CSPG4: variants seen among roughly 807,000 people sequenced by gnomAD.
The protein encoded by CSPG4 is chondroitin sulfate proteoglycan 4, also known as chondroitin sulfate proteoglycan 4 (melanoma-associated).
CSPG4 carries 74 observed loss-of-function variants against 139.3 expected under a neutral mutation model. The ratio of observed to expected loss-of-function variants is 0.53; its 90% CI spans 0.44 to 0.64. The LOEUF is 0.64. Ranked by LOEUF, CSPG4 falls within the 30% of genes least tolerant of loss-of-function variation. The pLI is 0.00. For missense variants in CSPG4, 2,565 were observed against 3,148.3 expected (o/e 0.81, Z 4.43); for synonymous variants, 1,234 against 1,394.2 (o/e 0.89, Z 2.56).
chr15:75,691,002 C>T (rs1201272171), intron 2 of CSPG4, among the ~76,000 whole-genome samples, 190 bp from the exon 3 acceptor site: 1 of 152,178 alleles, frequency 6.6e-6, no homozygotes, highest in Non-Finnish European at 1.5e-5. Flanking sequence ...TGGAGAAACC[C>T]TGTCTCTACT....
intron 3 of CSPG4, among the ~76,000 whole-genome samples, chr15:75,686,145 G>T (rs944475421): frequency 6.6e-6 from 1 of 152,290 alleles, no homozygotes; most frequent in East Asian, 1.9e-4. Context: ...CGGTTGCAGG[G>T]GGTCGGTCAC....
rs762018211 is a variant in CSPG4 at position 75,689,692 on chromosome 15, A to G, written c.1373T>C (p.Leu458Pro). ...EWRHVQPTLD[L>P]MEAELRKSQV... ...GGATTTGCGCAGCTCAGCCTCCATCAGGTCCAGCGTGGGCTGCACATGCCT... is the reference window on the plus strand; with the variant it reads ...GGATTTGCGCAGCTCAGCCTCCATCGGGTCCAGCGTGGGCTGCACATGCCT... Residue 458 changes from leucine to proline, a missense_variant, in exon 3 of 10, where the codon CTG becomes CCG. By Grantham distance (98) the Leu-to-Pro change is moderately conservative (BLOSUM62 -3). Coordinates refer to ENST00000308508, the MANE Select transcript of CSPG4 (RefSeq NM_001897.5). 6.2e-7 allele frequency: 1 copy of G among 1,612,904 alleles called. No individual in the cohort carries two copies. The highest frequency in any genetic ancestry group is 1.3e-5 in the African/African-American group (1 of 75,074).
intron 1 of CSPG4, among the ~76,000 whole-genome samples, chr15:75,697,076 C>T (rs944330479): frequency 3.9e-5 from 6 of 152,060 alleles, no homozygotes; most frequent in African/African-American, 4.8e-5. Flanking sequence ...CAGGGCCCCA[C>T]CTTCCCCAGC....
At chr15:75,707,241 G>A (rs1894386173) in intron 1 of CSPG4, among the ~76,000 whole-genome samples, 1 of 152,160 alleles carries the variant, frequency 6.6e-6, no homozygotes, top group African/African-American at 2.4e-5. Flanking sequence ...ACAGGCGTGA[G>A]CCACCGCGCC....
intron 2 of CSPG4, 94 bp downstream of exon 2, chr15:75,692,976 T>TA (rs1361200874): frequency 2.0e-5 from 13 of 634,628 alleles, no homozygotes; most frequent in Non-Finnish European, 3.6e-5. Flanking sequence ...AAAAGTGACT[T>TA]ACACAAGGTC....
chr15:75,686,385 C>T (rs1309139249), intron 3 of CSPG4, among the ~76,000 whole-genome samples: 1 of 152,206 alleles, frequency 6.6e-6, no homozygotes. Flanking sequence ...TCAGAGGGCG[C>T]CCCGCCCCAC....
Position 75,675,648 on chromosome 15 carries a change from C to T in CSPG4, c.6871G>A (p.Gly2291Ser), listed in dbSNP as rs762651688. The T allele has an allele frequency of 6.6e-7, 1 of 1,522,968 alleles. No individual in the cohort carries two copies. The highest frequency in any genetic ancestry group is 8.8e-7 in the Non-Finnish European group (1 of 1,135,788). 94.3% of individuals were successfully genotyped at this position (1,522,968 alleles called of 1,614,324 possible). ...GQAIPLTAVP[G>S]QGPPPGGQPD... Reference sequence around the variant, plus strand: ...TGGCCTCCTGGAGGGGGCCCCTGGCCAGGCACAGCTGTGAGCGGGATGGCC... The same window carrying T: ...TGGCCTCCTGGAGGGGGCCCCTGGCTAGGCACAGCTGTGAGCGGGATGGCC... The change falls in exon 10 of 10, where the codon GGC becomes AGC. Residue 2291 changes from glycine to serine, a missense_variant. Around this residue, in one of 5 missense-constraint regions of CSPG4, gnomAD observed 2,316 missense variants for 2,818.2 expected, o/e 0.82. Coordinates refer to ENST00000308508, the MANE Select transcript of CSPG4 (RefSeq NM_001897.5).
Position 75,676,367 on chromosome 15 carries a change from G to A in CSPG4, c.6152C>T (p.Ala2051Val). The A allele has an allele frequency of 6.2e-7, 1 of 1,613,380 alleles. No homozygotes were observed. Among genetic ancestry groups the A allele is most frequent in the Non-Finnish European group, 8.5e-7 (1 of 1,180,014 alleles). The change falls in exon 10 of 10, where the codon GCA becomes GTA. Residue 2051 changes from alanine to valine, a missense_variant. Ala to Val is a moderately conservative substitution (Grantham distance 64). Coordinates refer to ENST00000308508, the MANE Select transcript of CSPG4 (RefSeq NM_001897.5). Reference protein sequence around the residue: ...VTVRALLHVWAGGPWPQGATL... With the variant: ...VTVRALLHVWVGGPWPQGATL... ...GGCACCCTGGGGCCATGGCCCACCT[G>A]CCCACACATGCAGCAGAGCCCTCAC...
chr15:75,707,179 A>G (rs749579903), intron 1 of CSPG4, among the ~76,000 whole-genome samples: 2 of 151,870 alleles, frequency 1.3e-5, no homozygotes, highest in Non-Finnish European at 2.9e-5. Flanking sequence ...CTGGTCTCGA[A>G]CTCCTGAGCT....
At chr15:75,694,064 A>C (rs1220854147) in intron 1 of CSPG4, among the ~76,000 whole-genome samples, 1 of 152,230 alleles carries the variant, frequency 6.6e-6, no homozygotes, top group East Asian at 1.9e-4. Flanking sequence ...CACCGTGGCC[A>C]AGGAACCAGG....
chr15:75,693,348 G>A, intron 1 of CSPG4, 115 bp from the exon 2 acceptor site: 1 of 1,056,674 alleles, frequency 9.5e-7, no homozygotes, highest in South Asian at 1.6e-5. Context: ...GCACCCTCAT[G>A]GTTCTGCTGT....
intron 1 of CSPG4, among the ~76,000 whole-genome samples, chr15:75,695,075 T>G (rs752841422): frequency 5.9e-5 from 9 of 152,098 alleles, no homozygotes; most frequent in Non-Finnish European, 1.3e-4. Flanking sequence ...AGTGAGAACA[T>G]TTATACCAGG....
At position 75,684,330 on chromosome 15, in the gene CSPG4, C is replaced by T. The variant is rs1440048492; in HGVS notation, c.4449+406G>A. ...ACTGTCCTGCTGGGCGTGGAACAGC[C>T]TTGTGCAGGAGTTTGGGGAGCCAAG... On this transcript the variant is annotated intron_variant, in intron 5 of 9. Transcript: ENST00000308508. Among the ~76,000 whole-genome samples, 3 of 152,256 alleles carry T rather than the reference C, an allele frequency of 2.0e-5. No individual in the cohort carries two copies. In the South Asian group the frequency reaches 6.2e-4, roughly 31 times the overall value.
At chr15:75,709,552 CAG>C (rs1212718090) in intron 1 of CSPG4, among the ~76,000 whole-genome samples, 1 of 152,218 alleles carries the variant, frequency 6.6e-6, no homozygotes, top group East Asian at 1.9e-4. Context: ...GACTTGGAGA[CAG>C]AGGCAGTAGC....
Position 75,674,755 on chromosome 15 carries a change from C to T in CSPG4, c.*795G>A. Reference sequence around the variant, plus strand: ...AGACCCTCGATGAGCCCCAGCCTAACCTGCTCCAAAGCCACTGACACATGC... The same window carrying T: ...AGACCCTCGATGAGCCCCAGCCTAATCTGCTCCAAAGCCACTGACACATGC... On this transcript the variant is annotated 3_prime_UTR_variant, in exon 10 of 10. Transcript: ENST00000308508. The T allele has an allele frequency of 2.5e-6, 1 of 398,696 alleles. No individual in the cohort carries two copies. The highest frequency in any genetic ancestry group is 3.6e-5 in the East Asian group (1 of 28,080). 24.7% of individuals were successfully genotyped at this position (398,696 alleles called of 1,614,324 possible). A position where few individuals can be genotyped will look rare whatever the true frequency, so the allele number is the denominator to read the frequency against.
chr15:75,685,888 T>A (rs1894051383), intron 3 of CSPG4, among the ~76,000 whole-genome samples, 187 bp from the exon 4 acceptor site: 2 of 152,048 alleles, frequency 1.3e-5, no homozygotes, highest in African/African-American at 4.8e-5. Flanking sequence ...ATGCAGCTGG[T>A]CACATTTTTT....
At chr15:75,710,996 C>T (rs954620460) in intron 1 of CSPG4, among the ~76,000 whole-genome samples, 1 of 152,218 alleles carries the variant, frequency 6.6e-6, no homozygotes, top group African/African-American at 2.4e-5. Flanking sequence ...TTCTGTGCCC[C>T]AGCCCAGTGG....
At chr15:75,704,869 C>A (rs1318276423) in intron 1 of CSPG4, among the ~76,000 whole-genome samples, 4 of 152,210 alleles carry the variant, frequency 2.6e-5, no homozygotes, top group African/African-American at 4.8e-5. Context: ...GTGGTAACAG[C>A]CCCATGGTGA....
intron 1 of CSPG4, among the ~76,000 whole-genome samples, chr15:75,703,766 C>T (rs1366591252): frequency 7.3e-6 from 1 of 136,850 alleles, no homozygotes; most frequent in Non-Finnish European, 1.6e-5. Flanking sequence ...CTACGCAGAC[C>T]CCTCCCTTGG....
Sources: gnomAD v4.1 joint callset for allele counts (sites outside exome capture counted in the v4.1 genomes callset) on GRCh38, gnomAD v4.1.1 for gene constraint, gnomAD v4.1.1 regional missense constraint, MANE v1.5 for transcripts, NCBI Gene and HGNC (gene_info 2026-07-23, HGNC 2026-07-21) for gene names.